Variants in DCC observed in about 807,000 individuals in gnomAD.
DCC encodes the protein netrin receptor DCC.
In DCC, 58 loss-of-function variants were observed where a neutral mutation model predicts 172.5. That is an observed-to-expected ratio of 0.34 (90% CI 0.27 to 0.42). The LOEUF is 0.42. Ranked by LOEUF, DCC falls within the 10% of genes least tolerant of loss-of-function variation. DCC has a pLI of 1.00. For synonymous variants in DCC, 709 were observed against 644.5 expected, an observed-to-expected ratio of 1.10 and a Z score of -1.52; for missense variants, 1,740 against 1,791.0, an observed-to-expected ratio of 0.97 and a Z score of 0.51.
At chr18:52,479,512 C>A (rs1308714698) in intron 1 of DCC, among the ~76,000 whole-genome samples, 2 of 151,868 alleles carry the variant, frequency 1.3e-5, no homozygotes, top group Non-Finnish European at 2.9e-5. Context: ...GTACCAGTGT[C>A]CCTGGCTCCC....
chr18:53,466,521 G>A (rs2045623037), intron 24 of DCC, among the ~76,000 whole-genome samples: 1 of 152,016 alleles, frequency 6.6e-6, no homozygotes, highest in Non-Finnish European at 1.5e-5. Flanking sequence ...TATTTGCATA[G>A]TTCATTTTTA....
Position 53,045,117 on chromosome 18 carries a change from G to A in DCC, c.986-18188G>A, listed in dbSNP as rs2042219856. Among the ~76,000 whole-genome samples the A allele has an allele frequency of 2.0e-5, 3 of 151,882 alleles. No homozygotes were observed. In the Admixed American group the frequency reaches 2.0e-4, roughly 10 times the overall value. On this transcript the variant is annotated intron_variant, in intron 5 of 28. Transcript: ENST00000442544. ...ATCAGAATCAATGGATGGATTATAA[G>A]CTTTCTAACAAGCTTTCCTTTAATT...
intron 1 of DCC, among the ~76,000 whole-genome samples, chr18:52,519,290 C>A (rs546662036): frequency 6.6e-6 from 1 of 152,176 alleles, no homozygotes. Flanking sequence ...TAAGGTCTTG[C>A]ATGCCTCAAG....
At chr18:53,324,177 T>TA (rs942402219) in intron 14 of DCC, among the ~76,000 whole-genome samples, 7 of 152,132 alleles carry the variant, frequency 4.6e-5, no homozygotes, top group African/African-American at 1.4e-4. Flanking sequence ...TATAGGAGTT[T>TA]AAAAAAAGTA....
chr18:52,347,946 C>T (rs1429242388), intron 1 of DCC, among the ~76,000 whole-genome samples: 2 of 152,028 alleles, frequency 1.3e-5, no homozygotes, highest in African/African-American at 4.8e-5. Flanking sequence ...GTAATAATAA[C>T]AAATACCCAT....
chr18:53,456,759 C>A (rs529716105), intron 23 of DCC, among the ~76,000 whole-genome samples: 2 of 152,186 alleles, frequency 1.3e-5, no homozygotes, highest in Non-Finnish European at 2.9e-5. Flanking sequence ...CACCTGAATA[C>A]ACATTTCGAA....
At chr18:53,288,953 A>C (rs1408843764) in intron 12 of DCC, among the ~76,000 whole-genome samples, 1 of 152,072 alleles carries the variant, frequency 6.6e-6, no homozygotes, top group Non-Finnish European at 1.5e-5. Flanking sequence ...CATTCTGCAG[A>C]TGGTTGTGTG....
intron 23 of DCC, among the ~76,000 whole-genome samples, chr18:53,453,142 C>A (rs981354649): frequency 6.6e-6 from 1 of 152,130 alleles, no homozygotes; most frequent in African/African-American, 2.4e-5. Flanking sequence ...GTCTTGATCT[C>A]CTGACTTCAT....
At chr18:53,099,078 A>ATTCCTCATG in intron 7 of DCC, among the ~76,000 whole-genome samples, 1 of 152,074 alleles carries the variant, frequency 6.6e-6, no homozygotes, top group Non-Finnish European at 1.5e-5. Flanking sequence ...ATAACGGCCT[A>ATTCCTCATG]TTCCTCATGT....
At chr18:53,510,793 A>G (rs373022709) in intron 27 of DCC, among the ~76,000 whole-genome samples, 6 of 152,192 alleles carry the variant, frequency 3.9e-5, no homozygotes, top group African/African-American at 1.4e-4. Flanking sequence ...ATTTACTCCT[A>G]TTCCTTCTTC....
At chr18:52,806,725 A>G (rs2038092505) in intron 2 of DCC, among the ~76,000 whole-genome samples, 1 of 152,166 alleles carries the variant, frequency 6.6e-6, no homozygotes, top group Non-Finnish European at 1.5e-5. Context: ...TCCGGTTGTC[A>G]TGATTGTAAA....
At chr18:52,890,760 T>G (rs545799312) in intron 2 of DCC, among the ~76,000 whole-genome samples, 1 of 152,124 alleles carries the variant, frequency 6.6e-6, no homozygotes, top group East Asian at 1.9e-4. Context: ...TGTAGAAGTA[T>G]CTATGCGTCA....
intron 21 of DCC, among the ~76,000 whole-genome samples, chr18:53,419,210 T>C (rs1339110281): frequency 2.6e-5 from 4 of 152,156 alleles, no homozygotes; most frequent in African/African-American, 9.7e-5. Flanking sequence ...TGAGATGCTT[T>C]GATACAAGCA....
At chr18:53,036,711 C>T (rs1333100533) in intron 5 of DCC, among the ~76,000 whole-genome samples, 1 of 151,964 alleles carries the variant, frequency 6.6e-6, no homozygotes, top group African/African-American at 2.4e-5. Flanking sequence ...CACCCCTAAT[C>T]CTATCTGCTT....
At chr18:53,051,280 G>A (rs903091060) in intron 5 of DCC, among the ~76,000 whole-genome samples, 3 of 152,040 alleles carry the variant, frequency 2.0e-5, no homozygotes, top group Admixed American at 2.0e-4. Flanking sequence ...CATAATTGAT[G>A]AAGTCCCTGC....
chr18:53,451,063 G>A (rs1489315912), intron 23 of DCC, among the ~76,000 whole-genome samples: 1 of 152,086 alleles, frequency 6.6e-6, no homozygotes, highest in Non-Finnish European at 1.5e-5. Context: ...TTTTTACAAG[G>A]AGCCCTGTAG....
intron 7 of DCC, among the ~76,000 whole-genome samples, chr18:53,144,328 T>C: frequency 6.6e-6 from 1 of 152,224 alleles, no homozygotes; most frequent in East Asian, 1.9e-4. Context: ...TATTAGTCTG[T>C]TCTCATGCTG....
At chr18:53,468,380 T>TTTATTTATTTA (rs1555675979) in intron 25 of DCC, among the ~76,000 whole-genome samples, 3 of 135,152 alleles carry the variant, frequency 2.2e-5, no homozygotes, top group African/African-American at 9.3e-5. Context: ...TATTTATTTA[T>TTTATTTATTTA]TTTATTTATT....
chr18:52,360,912 G>A (rs1984589939), intron 1 of DCC, among the ~76,000 whole-genome samples: 2 of 152,194 alleles, frequency 1.3e-5, no homozygotes, highest in Admixed American at 1.3e-4. Context: ...ATGATTGGAG[G>A]TGTGTAAGTG....
Sources: allele counts gnomAD v4.1 joint callset (sites outside exome capture counted in the v4.1 genomes callset), GRCh38; gene constraint gnomAD v4.1.1; transcripts MANE v1.5; gene names NCBI Gene and HGNC (gene_info 2026-07-23, HGNC 2026-07-21).